ELP4: variants seen among roughly 807,000 people sequenced by gnomAD.
ELP4 encodes the protein elongator acetyltransferase complex subunit 4.
Under a neutral mutation model 48.9 loss-of-function variants are expected in ELP4, and 51 were observed. That is an observed-to-expected ratio of 1.04 (90% CI 0.83 to 1.32). The LOEUF (loss-of-function observed/expected upper bound fraction) is 1.32, where lower values mean the gene tolerates loss of function less well. Ranked by LOEUF, ELP4 falls within the 40% of genes most tolerant of loss-of-function variation. ELP4 has a pLI of 0.00. For missense variants in ELP4, 519 were observed against 514.6 expected (o/e 1.01, Z -0.08); for synonymous variants, 210 against 189.2 (o/e 1.11, Z -0.90).
At chr11:31,723,880 G>C (rs1947020239) in intron 9 of ELP4, among the ~76,000 whole-genome samples, 1 of 152,108 alleles carries the variant, frequency 6.6e-6, no homozygotes, top group African/African-American at 2.4e-5. Context: ...AATCCTAATT[G>C]GTTGCAGGTA....
intron 1 of ELP4, among the ~76,000 whole-genome samples, chr11:31,517,381 C>T (rs1335383092): frequency 6.6e-6 from 1 of 151,982 alleles, no homozygotes; most frequent in African/African-American, 2.4e-5. Context: ...CCAGGATGGT[C>T]TCGAACACCT....
intron 5 of ELP4, among the ~76,000 whole-genome samples, chr11:31,624,467 CACTT>C (rs1245442241): frequency 6.6e-6 from 1 of 151,482 alleles, no homozygotes; most frequent in Non-Finnish European, 1.5e-5. Flanking sequence ...CTGTATAAGA[CACTT>C]ACCGAGAATG....
At chr11:31,776,168 A>AC (rs995935445) in intron 9 of ELP4, among the ~76,000 whole-genome samples, 5 of 150,874 alleles carry the variant, frequency 3.3e-5, no homozygotes, top group African/African-American at 4.9e-5. Flanking sequence ...AAAAAAAAAA[A>AC]AAAAAAAGAG....
intron 9 of ELP4, chr11:31,719,507 T>G: frequency 2.5e-6 from 1 of 398,302 alleles, no homozygotes. Flanking sequence ...TTTCCAAACT[T>G]GAAGATTTGA....
chr11:31,597,927 G>A (rs775672653), intron 4 of ELP4, among the ~76,000 whole-genome samples: 1 of 145,912 alleles, frequency 6.9e-6, no homozygotes, highest in Non-Finnish European at 1.5e-5. Context: ...AAAAATGCAA[G>A]TAACTAAAGC....
chr11:31,514,160 A>G (rs1173720677), intron 1 of ELP4, among the ~76,000 whole-genome samples: 1 of 152,248 alleles, frequency 6.6e-6, no homozygotes, highest in Non-Finnish European at 1.5e-5. Context: ...AGAAGTAAAA[A>G]CAAGAGTTTA....
intron 9 of ELP4, among the ~76,000 whole-genome samples, chr11:31,743,488 T>TTGGA: frequency 6.6e-6 from 1 of 152,136 alleles, no homozygotes; most frequent in Non-Finnish European, 1.5e-5. Flanking sequence ...ATTGACCACA[T>TTGGA]AGTTGGAAGT....
chr11:31,618,988 G>T (rs865820445), intron 5 of ELP4, among the ~76,000 whole-genome samples: 3 of 152,026 alleles, frequency 2.0e-5, no homozygotes, highest in African/African-American at 7.2e-5. Flanking sequence ...TGGGATGGGG[G>T]TGGTCACATA....
At chr11:31,719,693 A>G in intron 9 of ELP4, 1 of 379,212 alleles carries the variant, frequency 2.6e-6, no homozygotes, top group East Asian at 3.7e-5. Context: ...TATCTCATTA[A>G]ACCTATTTTT....
chr11:31,693,905 A>C (rs1946338770), intron 9 of ELP4, among the ~76,000 whole-genome samples: 1 of 152,142 alleles, frequency 6.6e-6, no homozygotes, highest in Admixed American at 6.5e-5. Flanking sequence ...CATTTCTTTG[A>C]TGGTCAGTGA....
At chr11:31,550,697 A>G (rs1015148207) in intron 3 of ELP4, among the ~76,000 whole-genome samples, 10 of 152,188 alleles carry the variant, frequency 6.6e-5, no homozygotes, top group African/African-American at 2.2e-4. Context: ...CCCTTGTTAG[A>G]TGAGAGGCAT....
chr11:31,581,718 C>T (rs1263464539), intron 3 of ELP4, among the ~76,000 whole-genome samples: 1 of 151,184 alleles, frequency 6.6e-6, no homozygotes, highest in African/African-American at 2.4e-5. Context: ...TAAACTATTC[C>T]TCTAAATGTT....
chr11:31,747,895 A>G (rs147465020), intron 9 of ELP4, among the ~76,000 whole-genome samples: 128 of 152,364 alleles, frequency 8.4e-4, no homozygotes, highest in Non-Finnish European at 1.5e-3. Context: ...AAATTGGAAG[A>G]TAAGTTAGTG....
chr11:31,682,297 T>C (rs1340031836), intron 9 of ELP4, among the ~76,000 whole-genome samples: 1 of 152,188 alleles, frequency 6.6e-6, no homozygotes, highest in African/African-American at 2.4e-5. Context: ...ATAAGACTCA[T>C]AGGTGCTTGT....
Position 31,632,386 on chromosome 11 carries a change from T to G in ELP4, c.908T>G (p.Met303Arg). 1 of 1,611,416 alleles carries G rather than the reference T, an allele frequency of 6.2e-7. No individual in the cohort carries two copies. Among genetic ancestry groups the G allele is most frequent in the Non-Finnish European group, 8.5e-7 (1 of 1,179,050 alleles). Residue 303 changes from methionine (M) to arginine (R), a missense_variant, in exon 7 of 10, where the codon ATG becomes AGG. Physicochemically the swap from Met to Arg is moderately conservative, Grantham distance 91. Coordinates refer to ENST00000640961, the MANE Select transcript of ELP4 (RefSeq NM_019040.5). ...TCTCTTTCAGCCTGCATCATCACAA[T>G]GCCAACACATCTGATCCAGGTACGA... ...RTSLSACIITMPTHLIQNKAI... is the reference protein window; with the variant it reads ...RTSLSACIITRPTHLIQNKAI...
intron 3 of ELP4, among the ~76,000 whole-genome samples, chr11:31,552,177 C>T (rs75702380): frequency 0.026 from 4,029 of 152,146 alleles, 168 homozygotes; most frequent in African/African-American, 0.092. Flanking sequence ...TCCTAACTAG[C>T]CACTTTATCT....
intron 3 of ELP4, among the ~76,000 whole-genome samples, chr11:31,577,860 A>G (rs1438190493): frequency 1.3e-5 from 2 of 152,200 alleles, no homozygotes; most frequent in Non-Finnish European, 2.9e-5. Context: ...CAAAAACTGG[A>G]AGCATTCCCT....
At chr11:31,667,918 A>G (rs1213472266) in intron 9 of ELP4, among the ~76,000 whole-genome samples, 1 of 152,164 alleles carries the variant, frequency 6.6e-6, no homozygotes, top group Non-Finnish European at 1.5e-5. Context: ...ACTCCTCCCA[A>G]CTAATTATCT....
intron 3 of ELP4, among the ~76,000 whole-genome samples, chr11:31,574,528 C>A (rs1175922715): frequency 6.6e-6 from 1 of 152,204 alleles, no homozygotes; most frequent in Non-Finnish European, 1.5e-5. Flanking sequence ...CTGGGACACA[C>A]CTCCCAGTAG....
Sources: gnomAD v4.1 joint callset for allele counts (sites outside exome capture counted in the v4.1 genomes callset) on GRCh38, gnomAD v4.1.1 for gene constraint, MANE v1.5 for transcripts, NCBI Gene and HGNC (gene_info 2026-07-23, HGNC 2026-07-21) for gene names.